The following SSBP2 variants were observed in gnomAD, a reference collection of about 807,000 sequenced individuals.
SSBP2 encodes single stranded DNA binding protein 2.
SSBP2 carries 17 observed loss-of-function variants against 61.8 expected under a neutral mutation model. That is an observed-to-expected ratio of 0.28 (90% CI 0.19 to 0.41). SSBP2 has a LOEUF of 0.41. Among genes scored for constraint, SSBP2 ranks in the 10% least tolerant of loss-of-function variants. The pLI is 1.00. For synonymous variants in SSBP2, 139 were observed against 141.3 expected (o/e 0.98, Z 0.12); for missense variants, 310 against 458.7 (o/e 0.68, Z 2.96).
At chr5:81,480,335 A>G (rs1765891452) in intron 6 of SSBP2, among the ~76,000 whole-genome samples, 1 of 152,252 alleles carries the variant, frequency 6.6e-6, no homozygotes, top group Non-Finnish European at 1.5e-5. Flanking sequence ...TAAGTGAGTC[A>G]TATGAATTTT....
Position 81,742,991 on chromosome 5 carries a change from C to A in SSBP2, c.62+7990G>T, listed in dbSNP as rs1218012486. Among the ~76,000 whole-genome samples the A allele has an allele frequency of 2.0e-5, 3 of 152,202 alleles. No homozygotes were observed. The East Asian group carries it at 5.8e-4, about 29-fold the overall frequency. On this transcript the variant is annotated intron_variant, in intron 1 of 16. Coordinates refer to ENST00000320672, the MANE Select transcript of SSBP2 (RefSeq NM_012446.5). ...GAAGGTTTAGGAGAAATAATTACGC[C>A]AATTGTACCAACCTCTGTTAACCCA...
chr5:81,605,213 A>G (rs1275540059), intron 4 of SSBP2, among the ~76,000 whole-genome samples: 1 of 152,144 alleles, frequency 6.6e-6, no homozygotes, highest in East Asian at 1.9e-4. Flanking sequence ...GCACCACTAT[A>G]GTAAAATAAG....
intron 4 of SSBP2, among the ~76,000 whole-genome samples, chr5:81,538,745 T>C (rs1482454125): frequency 6.6e-6 from 1 of 152,174 alleles, no homozygotes; most frequent in African/African-American, 2.4e-5. Flanking sequence ...TCTGCCTGTG[T>C]TCTATAAATG....
intron 4 of SSBP2, among the ~76,000 whole-genome samples, chr5:81,538,054 C>A (rs75563289): frequency 5.4e-4 from 82 of 152,210 alleles, no homozygotes; most frequent in Non-Finnish European, 1.1e-3. Flanking sequence ...TAAAAATGAT[C>A]AAGCTCAGTG....
intron 6 of SSBP2, among the ~76,000 whole-genome samples, chr5:81,477,176 A>G (rs955107565): frequency 2.0e-5 from 3 of 152,190 alleles, no homozygotes; most frequent in African/African-American, 7.2e-5. Context: ...GACAGCATTT[A>G]GGCATAAAGA....
chr5:81,460,760 A>G (rs1764478692), intron 10 of SSBP2, among the ~76,000 whole-genome samples: 1 of 152,208 alleles, frequency 6.6e-6, no homozygotes, highest in Non-Finnish European at 1.5e-5. Context: ...GATACAGATC[A>G]CTATTTATAG....
chr5:81,483,463 A>G (rs1287479564), intron 6 of SSBP2, among the ~76,000 whole-genome samples: 1 of 152,150 alleles, frequency 6.6e-6, no homozygotes, highest in African/African-American at 2.4e-5. Flanking sequence ...ATTTTGATGA[A>G]CCAAATTTTT....
intron 4 of SSBP2, among the ~76,000 whole-genome samples, chr5:81,567,766 G>A (rs1013016285): frequency 6.6e-6 from 1 of 152,190 alleles, no homozygotes; most frequent in Non-Finnish European, 1.5e-5. Context: ...CCCACCTCTT[G>A]CATCAGTATG....
At chr5:81,751,246 G>A (rs957826370), upstream of SSBP2, 3 of 591,780 alleles carry the variant, frequency 5.1e-6, no homozygotes, top group Admixed American at 5.8e-5. Flanking sequence ...CGCGGTGGCG[G>A]CTAAGCCTCA....
rs778759288 is a variant in SSBP2, at chr5:81,489,324, C to G, written c.373-15G>C. Reference sequence around the variant, plus strand: ...GACATAAAAGGCTATTGAAGTAAAACAAATAAACAAACAAAACAAAAAACA... The same window carrying G: ...GACATAAAAGGCTATTGAAGTAAAAGAAATAAACAAACAAAACAAAAAACA... On this transcript the variant is annotated splice_polypyrimidine_tract_variant and intron_variant, in intron 5 of 16. Transcript: ENST00000320672. 2 of 1,592,070 alleles carry G rather than the reference C, an allele frequency of 1.3e-6. No individual in the cohort carries two copies.
At chr5:81,481,762 T>C (rs1766008804) in intron 6 of SSBP2, among the ~76,000 whole-genome samples, 1 of 151,384 alleles carries the variant, frequency 6.6e-6, no homozygotes, top group Non-Finnish European at 1.5e-5. Flanking sequence ...GACAACTGCA[T>C]CAGAGCTCTT....
At chr5:81,655,964 C>A (rs1750170411) in intron 1 of SSBP2, among the ~76,000 whole-genome samples, 1 of 152,118 alleles carries the variant, frequency 6.6e-6, no homozygotes, top group Non-Finnish European at 1.5e-5. Context: ...AGTAGGAGGA[C>A]CCCACTTACT....
intron 9 of SSBP2, among the ~76,000 whole-genome samples, chr5:81,465,640 C>T (rs572127166): frequency 6.6e-6 from 1 of 151,976 alleles, no homozygotes; most frequent in African/African-American, 2.4e-5. Context: ...ACATGGTATT[C>T]AACATCATAC....
chr5:81,448,904 A>G, intron 10 of SSBP2, 79 bp from the exon 11 acceptor site: 1 of 1,171,498 alleles, frequency 8.5e-7, no homozygotes, highest in South Asian at 1.3e-5. Flanking sequence ...TTATTTCATG[A>G]TTTTTTGTCA....
chr5:81,552,639 T>TAAAA (rs33979294), intron 4 of SSBP2, among the ~76,000 whole-genome samples: 1 of 115,916 alleles, frequency 8.6e-6, no homozygotes, highest in African/African-American at 3.2e-5. Context: ...CTATGTCTCT[T>TAAAA]AAAAAAAAAA....
At chr5:81,736,720 T>A (rs1031756356) in intron 1 of SSBP2, among the ~76,000 whole-genome samples, 7 of 152,226 alleles carry the variant, frequency 4.6e-5, no homozygotes, top group African/African-American at 1.7e-4. Context: ...TTAACTCAAT[T>A]TGTGCTCTGT....
chr5:81,492,837 A>G (rs1766961441), intron 5 of SSBP2, among the ~76,000 whole-genome samples: 1 of 152,150 alleles, frequency 6.6e-6, no homozygotes, highest in Admixed American at 6.5e-5. Flanking sequence ...AAACCAGGTG[A>G]CTTCTAAAGT....
intron 4 of SSBP2, among the ~76,000 whole-genome samples, chr5:81,560,191 A>G (rs1467752861): frequency 6.6e-6 from 1 of 152,334 alleles, no homozygotes; most frequent in East Asian, 1.9e-4. Context: ...ATGCTGCTAG[A>G]TTCTCATGTC....
intron 16 of SSBP2, among the ~76,000 whole-genome samples, chr5:81,426,020 A>G (rs1264392160): frequency 6.6e-6 from 1 of 152,208 alleles, no homozygotes; most frequent in Non-Finnish European, 1.5e-5. Context: ...TATGTGTATT[A>G]AACACTAGAA....
Sources: gnomAD v4.1 joint callset for allele counts (sites outside exome capture counted in the v4.1 genomes callset) on GRCh38, gnomAD v4.1.1 for gene constraint, MANE v1.5 for transcripts, NCBI Gene and HGNC (gene_info 2026-07-23, HGNC 2026-07-21) for gene names.